Variants in C19orf47 observed in about 807,000 individuals in gnomAD.
The protein encoded by C19orf47 is chromosome 19 open reading frame 47.
A neutral mutation model predicts 32.3 loss-of-function variants in C19orf47; 18 were observed. That is an observed-to-expected ratio of 0.56 (90% confidence interval 0.39 to 0.83). The LOEUF is 0.83. Ranked by LOEUF, C19orf47 falls within the 40% of genes least tolerant of loss-of-function variation. C19orf47 has a pLI of 0.00. For missense variants in C19orf47, 484 were observed against 531.6 expected (o/e 0.91, Z 0.88); for synonymous variants, 202 against 211.1 (o/e 0.96, Z 0.37).
the C19orf47 span, among the ~76,000 whole-genome samples, chr19:40,311,250 A>C: frequency 5.3e-5 from 8 of 152,020 alleles, no homozygotes; most frequent in African/African-American, 1.9e-4. Flanking sequence ...ATGGTGGCGC[A>C]TGCCTGTAAT....
the C19orf47 span, among the ~76,000 whole-genome samples, chr19:40,296,239 G>C: frequency 6.6e-6 from 1 of 152,014 alleles, no homozygotes; most frequent in Non-Finnish European, 1.5e-5. Flanking sequence ...GCATGTTATT[G>C]TACTGAATAC....
At chr19:40,324,726 G>A (rs964341284) in intron 7 of C19orf47, 1 of 152,286 alleles carries the variant, frequency 6.6e-6, no homozygotes, top group African/African-American at 2.4e-5. Context: ...TATAGAACAT[G>A]CCAAGAGTGG....
the C19orf47 span, among the ~76,000 whole-genome samples, chr19:40,314,263 A>G: frequency 6.6e-6 from 1 of 152,176 alleles, no homozygotes; most frequent in East Asian, 1.9e-4. Context: ...CCCCATCTCT[A>G]TTAAAAATAC....
intron 5 of C19orf47, among the ~76,000 whole-genome samples, chr19:40,328,836 C>T (rs1006595020): frequency 6.6e-6 from 1 of 152,154 alleles, no homozygotes; most frequent in Admixed American, 6.5e-5. Flanking sequence ...CAGCCTCGTG[C>T]TGAGTTCGCT....
chr19:40,295,107 C>T, the C19orf47 span, among the ~76,000 whole-genome samples: 5 of 152,048 alleles, frequency 3.3e-5, no homozygotes, highest in East Asian at 1.9e-4. Flanking sequence ...CTGCAACCTC[C>T]GCCTCCTGGG....
At chr19:40,330,422 G>A (rs2077926434) in intron 5 of C19orf47, among the ~76,000 whole-genome samples, 1 of 151,510 alleles carries the variant, frequency 6.6e-6, no homozygotes, top group Non-Finnish European at 1.5e-5. Flanking sequence ...TAGTAGAGAT[G>A]GGGTTTCACC....
At chr19:40,323,094 T>C (rs538308760) in intron 8 of C19orf47, among the ~76,000 whole-genome samples, 2 of 152,358 alleles carry the variant, frequency 1.3e-5, no homozygotes, top group Admixed American at 6.5e-5. Flanking sequence ...GCACTCGCTA[T>C]GCGCCCAGCT....
intron 4 of C19orf47, among the ~76,000 whole-genome samples, chr19:40,335,429 G>A (rs931158487): frequency 4.6e-5 from 7 of 152,148 alleles, no homozygotes; most frequent in Non-Finnish European, 1.0e-4. Flanking sequence ...TTTCCACTGT[G>A]CTAGTGCTTC....
the C19orf47 span, among the ~76,000 whole-genome samples, chr19:40,297,920 C>T: frequency 9.1e-4 from 138 of 151,236 alleles, no homozygotes; most frequent in South Asian, 2.7e-3. Context: ...ACCTGTAATC[C>T]CAGCTACTCG....
the C19orf47 span, among the ~76,000 whole-genome samples, chr19:40,298,919 ATTATGT>A: frequency 2.4e-4 from 3 of 12,412 alleles, no homozygotes; most frequent in African/African-American, 1.5e-3. Flanking sequence ...GAGTGAATTT[ATTATGT>A]CTTAAAAATG....
At chr19:40,304,430 A>G in the C19orf47 span, among the ~76,000 whole-genome samples, 1 of 152,164 alleles carries the variant, frequency 6.6e-6, no homozygotes, top group South Asian at 2.1e-4. Context: ...AGGAAAGATG[A>G]GCTCAGATCA....
chr19:40,342,131 C>A, intron 1 of C19orf47: 1 of 861,304 alleles, frequency 1.2e-6, no homozygotes, highest in Non-Finnish European at 1.4e-6. Context: ...TCACACACAC[C>A]CCAAAAGGTT....
chr19:40,295,574 T>C, the C19orf47 span, among the ~76,000 whole-genome samples: 1 of 151,790 alleles, frequency 6.6e-6, no homozygotes, highest in Non-Finnish European at 1.5e-5. Flanking sequence ...TAGCTGACAT[T>C]ACAGGCGCCC....
At chr19:40,343,237 G>A (rs548375532) in intron 1 of C19orf47, among the ~76,000 whole-genome samples, 1 of 152,130 alleles carries the variant, frequency 6.6e-6, no homozygotes, top group African/African-American at 2.4e-5. Context: ...ACCCCCGCAT[G>A]GGGTGCAGAA....
intron 5 of C19orf47, among the ~76,000 whole-genome samples, chr19:40,330,540 CTTTTTTTT>C (rs398034615): frequency 1.9e-4 from 12 of 64,602 alleles, no homozygotes; most frequent in Admixed American, 4.9e-4. Flanking sequence ...ACCCGGCCCT[CTTTTTTTT>C]TTTTTTTTTT....
chr19:40,296,913 CA>C, the C19orf47 span, among the ~76,000 whole-genome samples: 104 of 142,212 alleles, frequency 7.3e-4, no homozygotes, highest in Non-Finnish European at 7.1e-4. Flanking sequence ...GACCCTGTCT[CA>C]AAAAAAAAAA....
chr19:40,337,281 T>C (rs976318355), intron 2 of C19orf47, among the ~76,000 whole-genome samples: 1 of 140,534 alleles, frequency 7.1e-6, no homozygotes, highest in African/African-American at 2.7e-5. Context: ...CCTCAAACCA[T>C]GACAGCAATT....
At chr19:40,314,478 C>A in the C19orf47 span, among the ~76,000 whole-genome samples, 1 of 152,150 alleles carries the variant, frequency 6.6e-6, no homozygotes, top group Admixed American at 6.6e-5. Context: ...CTGGAACCAA[C>A]TGAAAGAGCT....
At chr19:40,314,496 G>A in the C19orf47 span, among the ~76,000 whole-genome samples, 3 of 152,244 alleles carry the variant, frequency 2.0e-5, no homozygotes, top group East Asian at 1.9e-4. Flanking sequence ...GCTCCCCATG[G>A]CCAAAGTCAG....
Sources: gnomAD v4.1 joint callset for allele counts (sites outside exome capture counted in the v4.1 genomes callset) on GRCh38, gnomAD v4.1.1 for gene constraint, MANE v1.5 for transcripts, NCBI Gene and HGNC (gene_info 2026-07-23, HGNC 2026-07-21) for gene names.